LRBA: variants seen among roughly 807,000 people sequenced by gnomAD.
LRBA encodes the protein lipopolysaccharide-responsive and beige-like anchor protein.
In LRBA, 176 loss-of-function variants were observed where a neutral mutation model predicts 330.0. The ratio of observed to expected loss-of-function variants is 0.53; its 90% CI spans 0.47 to 0.60. LRBA has a LOEUF of 0.60. Ranked by LOEUF, LRBA falls within the 20% of genes least tolerant of loss-of-function variation. LRBA has a pLI of 0.00. For missense variants in LRBA, 3,259 were observed against 3,444.8 expected (o/e 0.95, Z 1.35); for synonymous variants, 1,230 against 1,193.0 (o/e 1.03, Z -0.64).
At chr4:150,651,777 C>T (rs1347498959) in intron 37 of LRBA, among the ~76,000 whole-genome samples, 1 of 152,126 alleles carries the variant, frequency 6.6e-6, no homozygotes. Flanking sequence ...GAACAATAAG[C>T]CCATGCTACA....
intron 47 of LRBA, among the ~76,000 whole-genome samples, chr4:150,375,989 A>G (rs867934909): frequency 6.6e-6 from 1 of 152,300 alleles, no homozygotes; most frequent in Middle Eastern, 3.4e-3. Flanking sequence ...CTGGAGCTAG[A>G]TCAAAGGTTG....
chr4:150,961,672 AAAG>A (rs1396543329), intron 2 of LRBA, among the ~76,000 whole-genome samples: 2 of 148,940 alleles, frequency 1.3e-5, no homozygotes, highest in Admixed American at 1.3e-4. Context: ...AAGCTGTGAA[AAAG>A]AAGTGCAACA....
chr4:150,613,029 G>GA, intron 37 of LRBA, among the ~76,000 whole-genome samples: 1 of 152,264 alleles, frequency 6.6e-6, no homozygotes, highest in East Asian at 1.9e-4. Flanking sequence ...CTGAAAATTG[G>GA]AAGCAGTCTC....
chr4:150,475,901 T>C (rs1756651271), intron 42 of LRBA, among the ~76,000 whole-genome samples: 1 of 150,570 alleles, frequency 6.6e-6, no homozygotes, highest in South Asian at 2.1e-4. Flanking sequence ...CAAGATCGTG[T>C]CTCTACAAAA....
chr4:150,399,828 A>T (rs887848080), intron 47 of LRBA, among the ~76,000 whole-genome samples: 10 of 152,074 alleles, frequency 6.6e-5, no homozygotes, highest in African/African-American at 2.4e-4. Flanking sequence ...AAAAATTAGC[A>T]GCTGAGTGTG....
chr4:150,587,784 T>C, intron 40 of LRBA, among the ~76,000 whole-genome samples: 1 of 152,182 alleles, frequency 6.6e-6, no homozygotes, highest in Admixed American at 6.5e-5. Context: ...TTATAGACAA[T>C]GTTCTCGGAG....
chr4:150,728,687 C>T (rs1421176944), intron 36 of LRBA, among the ~76,000 whole-genome samples: 1 of 149,366 alleles, frequency 6.7e-6, no homozygotes, highest in African/African-American at 2.5e-5. Flanking sequence ...AAACGTGATA[C>T]AAATGGAATA....
At chr4:150,375,159 C>T (rs1367454069) in intron 47 of LRBA, among the ~76,000 whole-genome samples, 1 of 152,102 alleles carries the variant, frequency 6.6e-6, no homozygotes, top group Non-Finnish European at 1.5e-5. Flanking sequence ...GTAGCTGTAG[C>T]TTTAACTATT....
chr4:150,524,452 T>G (rs939914119), intron 40 of LRBA, among the ~76,000 whole-genome samples: 1 of 152,130 alleles, frequency 6.6e-6, no homozygotes, highest in Non-Finnish European at 1.5e-5. Flanking sequence ...TTCCAAGGGA[T>G]AAACCAAAAC....
chr4:150,893,975 G>A lies in LRBA; in HGVS notation c.2068-826C>T, dbSNP rs542957470. Among the ~76,000 whole-genome samples, 49 of 152,242 alleles carry A rather than the reference G, an allele frequency of 3.2e-4. No individual in the cohort carries two copies. The South Asian group carries it at 8.1e-3, about 25-fold the overall frequency. On this transcript the variant is annotated intron_variant, in intron 16 of 56. Transcript: ENST00000651943. ...CAGGCGTGAGTGAGCCACCGCGCCC[G>A]GCCTCGAAACAATTTCTTCATCAAA...
At chr4:150,800,440 T>TA (rs1376148328) in intron 33 of LRBA, among the ~76,000 whole-genome samples, 27 of 152,292 alleles carry the variant, frequency 1.8e-4, no homozygotes, top group Admixed American at 1.6e-3. Flanking sequence ...ATAGCCCCAA[T>TA]AAGGAACTTA....
In LRBA at chr4:150,808,313, T is replaced by G. The variant is rs1560847437; in HGVS notation, c.5384+7A>C. 3.7e-6 allele frequency: 6 copies of G among 1,601,952 alleles called. No individual in the cohort carries two copies. Among genetic ancestry groups the G allele is most frequent in the Non-Finnish European group, 4.3e-6 (5 of 1,170,288 alleles). On this transcript the variant is annotated splice_region_variant and intron_variant, in intron 32 of 56. Transcript: ENST00000651943. Reference sequence around the variant, plus strand: ...AATCACAATATTCAAGTTAGTAGCTTAAATACCTCATATTTGAAACCGGAT... The same window carrying G: ...AATCACAATATTCAAGTTAGTAGCTGAAATACCTCATATTTGAAACCGGAT...
At chr4:150,792,571 C>A (rs943312042) in intron 34 of LRBA, among the ~76,000 whole-genome samples, 1 of 152,112 alleles carries the variant, frequency 6.6e-6, no homozygotes, top group African/African-American at 2.4e-5. Context: ...TGCACCAGTG[C>A]GACCCTAGCT....
chr4:150,936,887 A>C (rs1360688152), intron 2 of LRBA, among the ~76,000 whole-genome samples: 1 of 152,068 alleles, frequency 6.6e-6, no homozygotes, highest in African/African-American at 2.4e-5. Context: ...TTCTTCTAAC[A>C]ATTACATATC....
intron 33 of LRBA, among the ~76,000 whole-genome samples, chr4:150,803,066 C>CAAA (rs763112831): frequency 3.7e-5 from 2 of 54,586 alleles, no homozygotes; most frequent in African/African-American, 1.2e-4. Context: ...CAAAAACAAA[C>CAAA]AAAAAAAAAA....
At chr4:150,965,275 G>T (rs1738749571) in intron 2 of LRBA, among the ~76,000 whole-genome samples, 1 of 152,094 alleles carries the variant, frequency 6.6e-6, no homozygotes, top group East Asian at 1.9e-4. Flanking sequence ...CTATGCAATA[G>T]AATACTTATA....
At chr4:150,664,059 G>A (rs1403646790) in intron 37 of LRBA, among the ~76,000 whole-genome samples, 11 of 152,148 alleles carry the variant, frequency 7.2e-5, no homozygotes, top group Admixed American at 7.2e-4. Context: ...AAAGATGAAT[G>A]GCAAGGAAGA....
chr4:150,923,237 T>C (rs1733514161), intron 4 of LRBA, among the ~76,000 whole-genome samples: 1 of 151,132 alleles, frequency 6.6e-6, no homozygotes. Context: ...GACCAAAACC[T>C]TTAACATGGA....
intron 56 of LRBA, 46 bp downstream of exon 56, chr4:150,277,807 T>C: frequency 6.3e-7 from 1 of 1,590,996 alleles, no homozygotes; most frequent in South Asian, 1.1e-5. Context: ...CAGTCCCCTC[T>C]GCAGTTTTTG....
Sources: gnomAD v4.1 joint callset for allele counts (sites outside exome capture counted in the v4.1 genomes callset) on GRCh38, gnomAD v4.1.1 for gene constraint, MANE v1.5 for transcripts, NCBI Gene and HGNC (gene_info 2026-07-23, HGNC 2026-07-21) for gene names.